The following PPP2R3A variants were observed in gnomAD, a reference collection of about 807,000 sequenced individuals.
PPP2R3A encodes the protein protein phosphatase 2 regulatory subunit B''alpha.
PPP2R3A carries 80 observed loss-of-function variants against 106.9 expected under a neutral mutation model. The observed-to-expected ratio is 0.75, with a 90% CI of 0.62 to 0.90. PPP2R3A has a LOEUF of 0.90. Among genes scored for constraint, PPP2R3A ranks in the 40% least tolerant of loss-of-function variants. The pLI is 0.00. For synonymous variants in PPP2R3A, 483 were observed against 468.3 expected (o/e 1.03, Z -0.41); for missense variants, 1,386 against 1,350.4 (o/e 1.03, Z -0.41).
At chr3:136,060,411 G>A (rs1936036360) in intron 5 of PPP2R3A, among the ~76,000 whole-genome samples, 1 of 152,320 alleles carries the variant, frequency 6.6e-6, no homozygotes, top group African/African-American at 2.4e-5. Context: ...GTAATTCCCA[G>A]TGTTGAAGGT....
chr3:136,050,644 C>T lies in PPP2R3A; in HGVS notation c.2469+1283C>T, dbSNP rs12630788. 1.4e-4 allele frequency among the ~76,000 whole-genome samples: 22 copies of T among 152,324 alleles called. No individual in the cohort carries two copies. The East Asian group carries it at 4.0e-3, about 28-fold the overall frequency. On this transcript the variant is annotated intron_variant, in intron 5 of 13. Coordinates refer to ENST00000264977, the MANE Select transcript of PPP2R3A (RefSeq NM_002718.5). ...CTGTTTTCTTTTAAGGTTTTAGCTGCACCCCTAGGGTGTTGCCAGGCAGCA... is the reference window on the plus strand; with the variant it reads ...CTGTTTTCTTTTAAGGTTTTAGCTGTACCCCTAGGGTGTTGCCAGGCAGCA...
At chr3:136,022,781 C>G (rs879204290) in intron 2 of PPP2R3A, 13 of 1,174,672 alleles carry the variant, frequency 1.1e-5, no homozygotes, top group Non-Finnish European at 1.3e-5. Flanking sequence ...GTCAATTTGA[C>G]ATAAAGCTAC....
At chr3:136,133,336 T>C (rs949052606) in intron 13 of PPP2R3A, among the ~76,000 whole-genome samples, 9 of 152,102 alleles carry the variant, frequency 5.9e-5, no homozygotes, top group Non-Finnish European at 1.3e-4. Context: ...ATAGAACATG[T>C]GAATACACAC....
intron 1 of PPP2R3A, among the ~76,000 whole-genome samples, chr3:135,973,550 A>G (rs1445498703): frequency 2.6e-5 from 4 of 152,016 alleles, no homozygotes; most frequent in Non-Finnish European, 5.9e-5. Context: ...TTGAAAGTAT[A>G]TTTTCTTGTA....
At chr3:135,988,979 A>G (rs1559853861) in intron 1 of PPP2R3A, among the ~76,000 whole-genome samples, 1 of 152,124 alleles carries the variant, frequency 6.6e-6, no homozygotes, top group Non-Finnish European at 1.5e-5. Context: ...GTATCTCTCC[A>G]TTATATATTT....
intron 2 of PPP2R3A, among the ~76,000 whole-genome samples, chr3:136,011,994 TACAC>T (rs35643220): frequency 3.4e-5 from 5 of 148,168 alleles, no homozygotes; most frequent in Admixed American, 6.7e-5. Context: ...CACACACACA[TACAC>T]ACACACACAC....
chr3:136,051,731 C>G (rs1349270962), intron 5 of PPP2R3A, among the ~76,000 whole-genome samples: 3 of 152,156 alleles, frequency 2.0e-5, no homozygotes, highest in African/African-American at 4.8e-5. Flanking sequence ...TGGGCATATC[C>G]GTATAACTAG....
chr3:136,138,100 TATA>T (rs1263165770), intron 13 of PPP2R3A, among the ~76,000 whole-genome samples: 4 of 152,204 alleles, frequency 2.6e-5, no homozygotes, highest in Non-Finnish European at 4.4e-5. Flanking sequence ...AAACATGAGT[TATA>T]ATATTACAGA....
chr3:135,970,071 T>C (rs1387483250), intron 1 of PPP2R3A, among the ~76,000 whole-genome samples: 2 of 152,260 alleles, frequency 1.3e-5, no homozygotes, highest in Non-Finnish European at 1.5e-5. Context: ...ATGCTAATGC[T>C]GTGGTCCACC....
chr3:136,093,323 C>T (rs1193460302), intron 10 of PPP2R3A, among the ~76,000 whole-genome samples: 1 of 152,112 alleles, frequency 6.6e-6, no homozygotes, highest in Non-Finnish European at 1.5e-5. Flanking sequence ...GTGGGAGGAT[C>T]ACTTGAGCCT....
chr3:136,068,391 G>A (rs1440069884), intron 5 of PPP2R3A, among the ~76,000 whole-genome samples: 2 of 152,070 alleles, frequency 1.3e-5, no homozygotes, highest in African/African-American at 2.4e-5. Context: ...GGTGGCACAC[G>A]CCTGTAATCC....
chr3:136,067,576 A>G (rs1936297717), intron 5 of PPP2R3A, among the ~76,000 whole-genome samples: 1 of 152,224 alleles, frequency 6.6e-6, no homozygotes, highest in Non-Finnish European at 1.5e-5. Context: ...ACCAAAGAGG[A>G]GAGAACTGCA....
At chr3:136,051,738 C>G (rs1230656707) in intron 5 of PPP2R3A, among the ~76,000 whole-genome samples, 2 of 152,246 alleles carry the variant, frequency 1.3e-5, no homozygotes, top group South Asian at 4.1e-4. Flanking sequence ...ATCCGTATAA[C>G]TAGCACACAG....
At chr3:136,130,825 AAAC>A (rs1285585445) in intron 13 of PPP2R3A, among the ~76,000 whole-genome samples, 2 of 152,028 alleles carry the variant, frequency 1.3e-5, no homozygotes, top group African/African-American at 4.8e-5. Flanking sequence ...TAGACCAATG[AAAC>A]AACAGAGTCC....
chr3:136,094,555 G>A (rs1937172950), intron 10 of PPP2R3A, among the ~76,000 whole-genome samples: 1 of 151,980 alleles, frequency 6.6e-6, no homozygotes, highest in Admixed American at 6.6e-5. Context: ...TGACTCAAGG[G>A]GAATTAGATA....
chr3:135,965,910 G>C (rs1310317786), intron 1 of PPP2R3A, 61 bp downstream of exon 1: 1 of 152,572 alleles, frequency 6.6e-6, no homozygotes, highest in Admixed American at 6.6e-5. Flanking sequence ...CCCGGCCCGA[G>C]GGGGTGGCGA....
intron 10 of PPP2R3A, among the ~76,000 whole-genome samples, chr3:136,094,576 A>G (rs1208129625): frequency 6.6e-6 from 1 of 152,226 alleles, no homozygotes; most frequent in Non-Finnish European, 1.5e-5. Context: ...TTCACGAAGT[A>G]ATAAAGGAAT....
rs1559863130 is a variant in PPP2R3A at position 136,003,211 on chromosome 3, T to A, written c.1713T>A (p.Cys571Ter). The A allele has an allele frequency of 6.2e-7, 1 of 1,613,962 alleles. No individual in the cohort carries two copies. Among genetic ancestry groups the A allele is most frequent in the Non-Finnish European group, 8.5e-7 (1 of 1,179,898 alleles). The change falls in exon 2 of 14, where the codon TGT (cysteine) becomes TGA (stop). Residue 571 changes from cysteine to a stop codon, truncating the protein, a stop_gained. Transcript: ENST00000264977. LOFTEE classifies it high-confidence loss of function. Reference protein sequence around the residue: ...SSPIEKVSPSCLTRIIETNGH... With the variant: ...SSPIEKVSPS Reference sequence around the variant, plus strand: ...CCATAGAAAAAGTCTCACCTTCCTGTCTAACAAGGATTATTGAAACCAATG... The same window carrying A: ...CCATAGAAAAAGTCTCACCTTCCTGACTAACAAGGATTATTGAAACCAATG...
At position 136,145,059 on chromosome 3, in the gene PPP2R3A, A is replaced by G; in HGVS notation, c.3346A>G (p.Thr1116Ala). 1 of 1,612,500 alleles carries G rather than the reference A, an allele frequency of 6.2e-7. No homozygotes were observed. The highest frequency in any genetic ancestry group is 1.1e-5 in the South Asian group (1 of 90,806). Residue 1116 changes from threonine to alanine, a missense_variant, in exon 14 of 14, where the codon ACA (threonine) becomes GCA (alanine). Coordinates refer to ENST00000264977, the MANE Select transcript of PPP2R3A (RefSeq NM_002718.5). ...TTATTTCAGCTTTGAAGATTATGAAACAGATGAACCTGCCTCTCCCTCTGA... is the reference window on the plus strand; with the variant it reads ...TTATTTCAGCTTTGAAGATTATGAAGCAGATGAACCTGCCTCTCCCTCTGA... ...QFQEGFEDYETDEPASPSEFG... is the reference protein window; with the variant it reads ...QFQEGFEDYEADEPASPSEFG...
Sources: allele counts gnomAD v4.1 joint callset (sites outside exome capture counted in the v4.1 genomes callset), GRCh38; gene constraint gnomAD v4.1.1; transcripts MANE v1.5; gene names NCBI Gene and HGNC (gene_info 2026-07-23, HGNC 2026-07-21).